Variants in PCDH15 observed in about 807,000 individuals in gnomAD.
The protein encoded by PCDH15 is protocadherin related 15, also known as protocadherin-15.
In PCDH15, 129 loss-of-function variants were observed where a neutral mutation model predicts 178.5. The ratio of observed to expected loss-of-function variants is 0.72; its 90% confidence interval spans 0.63 to 0.84. PCDH15 has a LOEUF of 0.84. PCDH15 is among the 40% of genes least tolerant of loss of function. The pLI is 0.00. For missense variants in PCDH15, 2,230 were observed against 2,099.9 expected, an observed-to-expected ratio of 1.06 and a Z score of -1.21; for synonymous variants, 800 against 732.0, an observed-to-expected ratio of 1.09 and a Z score of -1.50.
chr10:54,698,203 A>G (rs891262917), intron 1 of PCDH15, among the ~76,000 whole-genome samples: 1 of 152,158 alleles, frequency 6.6e-6, no homozygotes, highest in African/African-American at 2.4e-5. Flanking sequence ...CTTTGTTGGC[A>G]TGGGATAAAT....
At chr10:54,355,776 G>A (rs548404760) in intron 5 of PCDH15, among the ~76,000 whole-genome samples, 2 of 152,130 alleles carry the variant, frequency 1.3e-5, no homozygotes, top group African/African-American at 4.8e-5. Flanking sequence ...TTCTCAGCAA[G>A]CAAATTATTT....
At chr10:55,506,113 G>A (rs896663383) in intron 2 of PCDH15, 1 of 151,404 alleles carries the variant, frequency 6.6e-6, no homozygotes, top group African/African-American at 2.4e-5. Flanking sequence ...TGATTCTAGT[G>A]CAAAGACAGA....
intron 1 of PCDH15, among the ~76,000 whole-genome samples, chr10:54,748,763 T>C (rs919811928): frequency 6.6e-6 from 1 of 152,214 alleles, no homozygotes; most frequent in African/African-American, 2.4e-5. Context: ...ATTATAATCT[T>C]CTGCATTTGT....
intron 15 of PCDH15, among the ~76,000 whole-genome samples, chr10:54,125,620 A>G (rs1193752175): frequency 6.6e-6 from 1 of 152,130 alleles, no homozygotes; most frequent in East Asian, 1.9e-4. Context: ...TAGTACAGAG[A>G]GTGTAGGGTA....
At chr10:54,904,537 T>C (rs1954689012) in intron 2 of PCDH15, among the ~76,000 whole-genome samples, 1 of 152,088 alleles carries the variant, frequency 6.6e-6, no homozygotes, top group South Asian at 2.1e-4. Flanking sequence ...CATAACTATT[T>C]CAGTTATAGC....
In PCDH15 at chr10:53,885,372, G is replaced by A. The variant is rs139468990; in HGVS notation, c.3501+17871C>T. ...CATTTTATGATATACTGTGGTATAA[G>A]GACCAAAAAACCTTCAATATGCCTT... On this transcript the variant is annotated intron_variant, in intron 26 of 37. Transcript: ENST00000644397. Among the ~76,000 whole-genome samples the A allele has an allele frequency of 6.6e-5, 10 of 151,538 alleles. 1 individual carries two copies. The East Asian group carries it at 1.7e-3, about 26-fold the overall frequency.
intron 28 of PCDH15, among the ~76,000 whole-genome samples, chr10:53,852,405 G>T (rs193247113): frequency 0.01 from 1,583 of 152,138 alleles, 11 homozygotes; most frequent in Non-Finnish European, 0.016. Flanking sequence ...ACTGGAATTT[G>T]TTGAATATAT....
intron 18 of PCDH15, among the ~76,000 whole-genome samples, chr10:54,032,029 A>AG (rs2093308892): frequency 6.6e-6 from 1 of 151,908 alleles, no homozygotes; most frequent in South Asian, 2.1e-4. Flanking sequence ...GTGATGGTAA[A>AG]AAAAATTATA....
At chr10:54,314,938 T>C (rs754321820) in intron 8 of PCDH15, among the ~76,000 whole-genome samples, 41 of 152,180 alleles carry the variant, frequency 2.7e-4, no homozygotes, top group Admixed American at 1.3e-3. Flanking sequence ...AATCTGTCAT[T>C]CATGGGCATT....
intron 2 of PCDH15, among the ~76,000 whole-genome samples, chr10:55,600,932 T>C (rs1460495091): frequency 6.6e-6 from 1 of 152,056 alleles, no homozygotes; most frequent in Non-Finnish European, 1.5e-5. Context: ...TGTCTGGGAG[T>C]TGTGGTACAG....
intron 2 of PCDH15, among the ~76,000 whole-genome samples, chr10:55,435,667 G>A (rs1839021355): frequency 6.6e-6 from 1 of 151,876 alleles, no homozygotes; most frequent in Admixed American, 6.6e-5. Flanking sequence ...AAAAAAAGTG[G>A]AAAACCAGGG....
chr10:54,431,335 A>T (rs1354107924), intron 3 of PCDH15, among the ~76,000 whole-genome samples: 1 of 152,144 alleles, frequency 6.6e-6, no homozygotes, highest in Non-Finnish European at 1.5e-5. Context: ...TGATGAAATA[A>T]ATATCATTGC....
At chr10:55,119,102 G>C (rs1010490789) in intron 2 of PCDH15, among the ~76,000 whole-genome samples, 25 of 152,162 alleles carry the variant, frequency 1.6e-4, no homozygotes, top group Middle Eastern at 3.2e-3. Flanking sequence ...TCTGTAGGTA[G>C]AAATTGCATG....
chr10:54,268,024 A>G (rs943780661), intron 8 of PCDH15, among the ~76,000 whole-genome samples: 3 of 152,064 alleles, frequency 2.0e-5, no homozygotes, highest in East Asian at 1.9e-4. Flanking sequence ...CCTGACTTCA[A>G]CCTATACTAC....
intron 30 of PCDH15, among the ~76,000 whole-genome samples, chr10:53,830,289 C>T (rs147274816): frequency 1.7e-3 from 244 of 147,076 alleles, no homozygotes; most frequent in African/African-American, 5.9e-3. Flanking sequence ...GCGACAGAGC[C>T]AGACTCCGTC....
intron 1 of PCDH15, among the ~76,000 whole-genome samples, chr10:55,168,752 T>C (rs1007817858): frequency 2.0e-5 from 3 of 152,226 alleles, no homozygotes; most frequent in Admixed American, 2.0e-4. Flanking sequence ...GATTATCTTT[T>C]ATGTGTACAG....
At chr10:54,804,286 G>A (rs528010424), upstream of PCDH15, among the ~76,000 whole-genome samples, 7 of 152,160 alleles carry the variant, frequency 4.6e-5, no homozygotes, top group Admixed American at 3.3e-4. Flanking sequence ...TGATCCTCCC[G>A]CCTCGGCCTC....
At chr10:55,578,520 G>A (rs2132117258) in intron 2 of PCDH15, among the ~76,000 whole-genome samples, 1 of 152,156 alleles carries the variant, frequency 6.6e-6, no homozygotes, top group Admixed American at 6.5e-5. Flanking sequence ...CGCCCGGCCT[G>A]AAACACAGTA....
intron 3 of PCDH15, among the ~76,000 whole-genome samples, chr10:54,435,999 A>G (rs1470862674): frequency 4.6e-5 from 4 of 87,660 alleles, no homozygotes; most frequent in South Asian, 3.2e-4. Context: ...AAGAAAAGAA[A>G]AGAAGAGGAG....
Sources: gnomAD v4.1 joint callset for allele counts (sites outside exome capture counted in the v4.1 genomes callset) on GRCh38, gnomAD v4.1.1 for gene constraint, MANE v1.5 for transcripts, NCBI Gene and HGNC (gene_info 2026-07-23, HGNC 2026-07-21) for gene names.